The following A1CF variants were observed in gnomAD, a reference collection of about 807,000 sequenced individuals.
A1CF encodes APOBEC-1 stimulating protein.
A neutral mutation model predicts 68.9 loss-of-function variants in A1CF; 48 were observed. The ratio of observed to expected loss-of-function variants is 0.70; its 90% CI spans 0.55 to 0.89. A1CF has a LOEUF of 0.89. Among genes scored for constraint, A1CF ranks in the 40% least tolerant of loss-of-function variants. The pLI is 0.00. For synonymous variants in A1CF, 272 were observed against 260.4 expected, an observed-to-expected ratio of 1.04 and a Z score of -0.43; for missense variants, 653 against 718.9, an observed-to-expected ratio of 0.91 and a Z score of 1.05.
At chr10:50,831,667 G>T (rs756031947) in intron 6 of A1CF, among the ~76,000 whole-genome samples, 1 of 152,206 alleles carries the variant, frequency 6.6e-6, no homozygotes, top group Non-Finnish European at 1.5e-5. Context: ...GGCAGAGGTT[G>T]CAGTGAGCCA....
chr10:50,814,212 A>G (rs1221728153), intron 9 of A1CF, 174 bp from the exon 10 acceptor site: 2 of 670,388 alleles, frequency 3.0e-6, no homozygotes, highest in African/African-American at 3.6e-5. Flanking sequence ...GAAACTCAAC[A>G]TAAGGTAAGG....
intron 6 of A1CF, among the ~76,000 whole-genome samples, chr10:50,829,214 T>C (rs1164741624): frequency 1.3e-5 from 2 of 152,062 alleles, no homozygotes; most frequent in African/African-American, 4.8e-5. Context: ...CCTCCCCCTT[T>C]TTTGTTGTTG....
At chr10:50,820,750 T>C (rs565622119) in intron 7 of A1CF, 101 bp from the exon 8 acceptor site, 7 of 834,650 alleles carry the variant, frequency 8.4e-6, no homozygotes, top group African/African-American at 1.7e-5. Flanking sequence ...ATTTTTTTTA[T>C]GGATACCTCA....
rs1838086075 is a variant in A1CF, at chr10:50,811,054, G to T, written c.1446C>A (p.Ser482Arg). 6.2e-7 allele frequency: 1 copy of T among 1,612,648 alleles called. No individual in the cohort carries two copies. The highest frequency in any genetic ancestry group is 8.5e-7 in the Non-Finnish European group (1 of 1,179,090). ...AAGTTACGCACATTGCAGGATTCTG[G>T]CTGGCTAGAGCAGGAATAGTTATTT... ...LYKITIPALA[S>R]QNPAIHPFTP... Residue 482 changes from serine (S) to arginine (R), a missense_variant, in exon 11 of 13, where the codon AGC becomes AGA. Physicochemically the swap from Ser to Arg is moderately radical, Grantham distance 110 (BLOSUM62 -1). Coordinates refer to ENST00000373997, the MANE Select transcript of A1CF (RefSeq NM_014576.4).
chr10:50,869,168 C>T (rs1027228837), intron 1 of A1CF, among the ~76,000 whole-genome samples: 3 of 151,922 alleles, frequency 2.0e-5, no homozygotes, highest in Admixed American at 1.3e-4. Flanking sequence ...AGTTCTGCCA[C>T]CATGATTTTA....
chr10:50,872,362 GT>G (rs904574954), intron 1 of A1CF, among the ~76,000 whole-genome samples: 1 of 152,086 alleles, frequency 6.6e-6, no homozygotes, highest in African/African-American at 2.4e-5. Flanking sequence ...TATGATATGG[GT>G]AATAAATCAA....
chr10:50,866,524 T>A (rs1840997873), intron 1 of A1CF, among the ~76,000 whole-genome samples: 1 of 152,144 alleles, frequency 6.6e-6, no homozygotes, highest in Non-Finnish European at 1.5e-5. Flanking sequence ...TGCCAGTGGG[T>A]CCAGTTTCAG....
rs1837640312 is a variant in A1CF, at chr10:50,802,552, C to T, written c.*4177G>A. 1 of 152,098 alleles carries T rather than the reference C, an allele frequency of 6.6e-6. No individual in the cohort carries two copies. The highest frequency in any genetic ancestry group is 2.4e-5 in the African/African-American group (1 of 41,400). The allele number at this position is 152,098 out of a possible 1,614,324, so 9.4% of individuals were successfully genotyped here. A position where few individuals can be genotyped will look rare whatever the true frequency, so the allele number is the denominator to read the frequency against. On this transcript the variant is annotated 3_prime_UTR_variant, in exon 13 of 13. Coordinates refer to ENST00000373997, the MANE Select transcript of A1CF (RefSeq NM_014576.4). The stretch of plus-strand genomic sequence containing the variant: ...ACATAAAAAGTGCCAAGTTTCTAGT[C>T]TAATTTTTAGATATATTTTCTTCCC...
intron 1 of A1CF, among the ~76,000 whole-genome samples, chr10:50,866,544 C>T (rs746937967): frequency 6.6e-6 from 1 of 152,140 alleles, no homozygotes; most frequent in Non-Finnish European, 1.5e-5. Flanking sequence ...GGGAAGTTGG[C>T]AGGGAAACAG....
chr10:50,854,954 A>G (rs1466388388), intron 3 of A1CF, among the ~76,000 whole-genome samples: 1 of 151,884 alleles, frequency 6.6e-6, no homozygotes, highest in East Asian at 1.9e-4. Flanking sequence ...TAAATTTTAT[A>G]TATATTAGAT....
intron 3 of A1CF, among the ~76,000 whole-genome samples, chr10:50,857,918 C>T (rs532709243): frequency 6.6e-6 from 1 of 152,322 alleles, no homozygotes; most frequent in African/African-American, 2.4e-5. Flanking sequence ...GGCTGGGTGT[C>T]TGAAGATCGT....
chr10:50,866,469 T>C (rs935148480), intron 1 of A1CF, among the ~76,000 whole-genome samples: 1 of 152,206 alleles, frequency 6.6e-6, no homozygotes, highest in Non-Finnish European at 1.5e-5. Flanking sequence ...TAGTTCACTA[T>C]TGGGCAAAGT....
intron 8 of A1CF, 71 bp downstream of exon 8, chr10:50,820,481 G>A: frequency 7.4e-7 from 1 of 1,354,294 alleles, no homozygotes; most frequent in South Asian, 1.2e-5. Context: ...TTGCAGGACT[G>A]TGCTTTTGGA....
intron 6 of A1CF, among the ~76,000 whole-genome samples, chr10:50,834,050 G>T (rs979162801): frequency 3.3e-5 from 5 of 152,170 alleles, no homozygotes; most frequent in African/African-American, 9.7e-5. Context: ...AATTTCTGAA[G>T]CTTATCTGAT....
chr10:50,865,930 T>A (rs1005645208), intron 1 of A1CF, among the ~76,000 whole-genome samples: 1 of 152,248 alleles, frequency 6.6e-6, no homozygotes, highest in African/African-American at 2.4e-5. Context: ...AGGGACTATC[T>A]TGTACCTCAT....
At chr10:50,861,791 T>C (rs1840759396) in intron 2 of A1CF, among the ~76,000 whole-genome samples, 1 of 148,180 alleles carries the variant, frequency 6.7e-6, no homozygotes, top group African/African-American at 2.4e-5. Context: ...ATAATAGTAA[T>C]AGTAATTATT....
intron 6 of A1CF, among the ~76,000 whole-genome samples, chr10:50,828,969 A>G (rs1402225859): frequency 6.6e-6 from 1 of 152,192 alleles, no homozygotes; most frequent in Non-Finnish European, 1.5e-5. Context: ...GGAAGAGTCT[A>G]TAATGAGAAT....
At chr10:50,865,296 T>C (rs538849220) in intron 1 of A1CF, among the ~76,000 whole-genome samples, 18 of 151,088 alleles carry the variant, frequency 1.2e-4, no homozygotes, top group Admixed American at 2.0e-4. Context: ...GCTGCTGCTA[T>C]TACTACTACT....
At position 50,804,332 on chromosome 10, in the gene A1CF, G is replaced by T. The variant is rs578221646; in HGVS notation, c.*2397C>A. 1 of 152,198 alleles carries T rather than the reference G, an allele frequency of 6.6e-6. No individual in the cohort carries two copies. The highest frequency in any genetic ancestry group is 2.1e-4 in the South Asian group (1 of 4,822). The allele number at this position is 152,198 out of a possible 1,614,324, so 9.4% of individuals were successfully genotyped here. On this transcript the variant is annotated 3_prime_UTR_variant, in exon 13 of 13. Coordinates refer to ENST00000373997, the MANE Select transcript of A1CF (RefSeq NM_014576.4). ...GAATAATGATTTTTTCTCATAAAAA[G>T]ATTCATGTATTAACTAATCTTTTCA...
Sources: gnomAD v4.1 joint callset for allele counts (sites outside exome capture counted in the v4.1 genomes callset) on GRCh38, gnomAD v4.1.1 for gene constraint, MANE v1.5 for transcripts, NCBI Gene and HGNC (gene_info 2026-07-23, HGNC 2026-07-21) for gene names.